Variants in ATP5F1A observed in about 807,000 individuals in gnomAD.
ATP5F1A encodes ATP synthase F1 subunit alpha.
A neutral mutation model predicts 57.4 loss-of-function variants in ATP5F1A; 24 were observed. The ratio of observed to expected loss-of-function variants is 0.42; its 90% CI spans 0.30 to 0.59. The LOEUF (loss-of-function observed/expected upper bound fraction) is 0.59, where lower values mean the gene tolerates loss of function less well. Among genes scored for constraint, ATP5F1A ranks in the 20% least tolerant of loss-of-function variants. ATP5F1A has a pLI of 0.19. For synonymous variants in ATP5F1A, 251 were observed against 255.5 expected (o/e 0.98, Z 0.17); for missense variants, 494 against 707.9 (o/e 0.70, Z 3.43).
intron 1 of ATP5F1A, among the ~76,000 whole-genome samples, chr18:46,103,610 C>CAAAAA (rs71160711): frequency 8.7e-5 from 3 of 34,504 alleles, no homozygotes; most frequent in Non-Finnish European, 1.5e-4. Context: ...GACTCCATCT[C>CAAAAA]AAAAAAAAAA....
In ATP5F1A at chr18:46,084,352, T is replaced by C. The variant is rs777912298; in HGVS notation, c.1592A>G (p.Lys531Arg). The C allele has an allele frequency of 1.9e-6, 3 of 1,613,156 alleles. No homozygotes were observed. The highest frequency in any genetic ancestry group is 2.2e-5 in the South Asian group (2 of 90,748). The change falls in exon 12 of 12, where the codon AAG (lysine) becomes AGG (arginine). Residue 531 changes from lysine to arginine, a missense_variant. Physicochemically the swap from Lys to Arg is conservative, Grantham distance 26. Transcript: ENST00000398752. ...ALLGTIRADG[K>R]ISEQSDAKLK... Reference sequence around the variant, plus strand: ...CTTTGCATCTGATTGTTCTGAGATCTTTCCATCAGCCCTATTTGGAAATAA... The same window carrying C: ...CTTTGCATCTGATTGTTCTGAGATCCTTCCATCAGCCCTATTTGGAAATAA...
At chr18:46,103,237 G>A (rs1426998535), upstream of ATP5F1A, among the ~76,000 whole-genome samples, 2 of 150,714 alleles carry the variant, frequency 1.3e-5, no homozygotes, top group Admixed American at 6.7e-5. Context: ...TGGGGACGGG[G>A]GTTGGAGGTC....
At chr18:46,088,952 A>G (rs557108920) in intron 5 of ATP5F1A, among the ~76,000 whole-genome samples, 87 of 152,126 alleles carry the variant, frequency 5.7e-4, no homozygotes, top group Non-Finnish European at 1.1e-3. Flanking sequence ...ATGTTTGTGT[A>G]AAGTCAAACA....
intron 8 of ATP5F1A, chr18:46,086,803 A>G (rs1910131726): frequency 3.1e-6 from 2 of 638,550 alleles, no homozygotes; most frequent in Non-Finnish European, 5.4e-6. Context: ...AACTAGAACG[A>G]AACATGCTAC....
Position 46,087,454 on chromosome 18 carries a change from A to G in ATP5F1A, c.838T>C (p.Ser280Pro). The G allele has an allele frequency of 6.2e-7, 1 of 1,614,242 alleles. No individual in the cohort carries two copies. Among genetic ancestry groups the G allele is most frequent in the Non-Finnish European group, 8.5e-7 (1 of 1,180,048 alleles). Reference protein sequence around the residue: ...KYTIVVSATASDAAPLQYLAP... With the variant: ...KYTIVVSATAPDAAPLQYLAP... Reference sequence around the variant, plus strand: ...AGGTACTGAAGTGGGGCAGCATCCGAGGCCGTAGCCGACACCACAATGGTG... The same window carrying G: ...AGGTACTGAAGTGGGGCAGCATCCGGGGCCGTAGCCGACACCACAATGGTG... Residue 280 changes from serine to proline, a missense_variant, in exon 7 of 12, where the codon TCG becomes CCG. Physicochemically the swap from Ser to Pro is moderately conservative, Grantham distance 74. Coordinates refer to ENST00000398752, the MANE Select transcript of ATP5F1A (RefSeq NM_004046.6).
chr18:46,098,085 C>A (rs1239664374), intron 1 of ATP5F1A, 87 bp downstream of exon 1: 1 of 1,481,776 alleles, frequency 6.7e-7, no homozygotes, highest in South Asian at 1.3e-5. Context: ...CAGCCCCTCG[C>A]CCTCCTGCAG....
chr18:46,098,764 C>G (rs924464180), upstream of ATP5F1A, among the ~76,000 whole-genome samples: 12 of 152,210 alleles, frequency 7.9e-5, no homozygotes, highest in African/African-American at 2.9e-4. Flanking sequence ...CGTTAATCTG[C>G]AGATCTTAGC....
In ATP5F1A at chr18:46,091,729, T is replaced by C; in HGVS notation, c.262A>G (p.Arg88Gly). The change falls in exon 3 of 12, where the codon AGG becomes GGG. Residue 88 changes from arginine to glycine, a missense_variant. This residue lies in a region of ATP5F1A where 142 missense variants were observed against 137.5 expected (regional missense o/e 1.03). Transcript: ENST00000398752. The part of the protein sequence containing the change: ...GDGIARVHGL[R>G]NVQAEEMVEF... ...ACCATTTCTTCTGCTTGAACATTCC[T>C]CAGCCCATGTACGCGGGCAATACCA... 1.7e-5 allele frequency: 27 copies of C among 1,613,460 alleles called. No homozygotes were observed. Among genetic ancestry groups the C allele is most frequent in the Non-Finnish European group, 2.3e-5 (27 of 1,179,840 alleles).
At chr18:46,095,762 G>A (rs566135432) in intron 1 of ATP5F1A, among the ~76,000 whole-genome samples, 1 of 152,076 alleles carries the variant, frequency 6.6e-6, no homozygotes, top group East Asian at 1.9e-4. Context: ...GATCACAGGA[G>A]TGCGCCACCT....
chr18:46,088,983 A>G (rs1241920896), intron 5 of ATP5F1A, among the ~76,000 whole-genome samples: 1 of 151,982 alleles, frequency 6.6e-6, no homozygotes, highest in Non-Finnish European at 1.5e-5. Context: ...CTACATGCAC[A>G]TCAAGGCACA....
chr18:46,085,956 T>G, intron 10 of ATP5F1A, 157 bp downstream of exon 10: 1 of 830,616 alleles, frequency 1.2e-6, no homozygotes, highest in Non-Finnish European at 1.7e-6. Flanking sequence ...AAATCAAAAA[T>G]CAAAAAACAA....
chr18:46,098,105 G>T (rs762145241), intron 1 of ATP5F1A, 67 bp downstream of exon 1: 43 of 1,532,992 alleles, frequency 2.8e-5, no homozygotes, highest in Middle Eastern at 4.2e-4. Flanking sequence ...GAGAGCGCCC[G>T]AGCCGGCGCA....
rs990450264 is a variant in ATP5F1A, at chr18:46,083,510, C to T, written c.*772G>A. The stretch of plus-strand genomic sequence containing the variant: ...CATTCTATCTTCTCAGCTTTTGTTC[C>T]AGCAATTTTTTCATTTCCCTGAGAA... On this transcript the variant is annotated 3_prime_UTR_variant, in exon 12 of 12. Transcript: ENST00000398752. 1 of 152,136 alleles carries T rather than the reference C, an allele frequency of 6.6e-6. No homozygotes were observed. The highest frequency in any genetic ancestry group is 1.5e-5 in the Non-Finnish European group (1 of 68,034). The allele number at this position is 152,136 out of a possible 1,614,324, so 9.4% of individuals were successfully genotyped here.
chr18:46,099,323 T>TC (rs943788165), upstream of ATP5F1A: 1 of 152,226 alleles, frequency 6.6e-6, no homozygotes, highest in Non-Finnish European at 1.5e-5. Context: ...TTTTTTTTTT[T>TC]CTCCACAGAA....
Position 46,080,481 on chromosome 18 carries a change from C to CT in ATP5F1A, c.*3800dup. 1 of 152,266 alleles carries CT rather than the reference C, an allele frequency of 6.6e-6. No homozygotes were observed. Among genetic ancestry groups the CT allele is most frequent in the African/African-American group, 2.4e-5 (1 of 41,552 alleles). 9.4% of individuals were successfully genotyped at this position (152,266 alleles called of 1,614,324 possible). Reference sequence around the variant, plus strand: ...CTATGAGGTCTCCTATGTCATTAGTCTGTAAGTACTTAGTAAAAAGCAGTA... The same window carrying CT: ...CTATGAGGTCTCCTATGTCATTAGTCTTGTAAGTACTTAGTAAAAAGCAGTA... On this transcript the variant is annotated 3_prime_UTR_variant, in exon 12 of 12. Transcript: ENST00000398752.
rs1428613340 is a variant in ATP5F1A at position 46,082,503 on chromosome 18, G to C, written c.*1779C>G. The C allele has an allele frequency of 6.6e-6, 1 of 151,412 alleles. No individual in the cohort carries two copies. The highest frequency in any genetic ancestry group is 1.5e-5 in the Non-Finnish European group (1 of 67,974). 9.4% of individuals were successfully genotyped at this position (151,412 alleles called of 1,614,324 possible). A position where few individuals can be genotyped will look rare whatever the true frequency, so the allele number is the denominator to read the frequency against. Reference sequence around the variant, plus strand: ...GTTCGAGACCAGCCTGGCCAATATGGTGAAACCCCGCCTCTACTAAAAATA... The same window carrying C: ...GTTCGAGACCAGCCTGGCCAATATGCTGAAACCCCGCCTCTACTAAAAATA... On this transcript the variant is annotated 3_prime_UTR_variant, in exon 12 of 12. Coordinates refer to ENST00000398752, the MANE Select transcript of ATP5F1A (RefSeq NM_004046.6).
At chr18:46,086,628 C>A (rs74904652) in intron 8 of ATP5F1A, 134 bp from the exon 9 acceptor site, 7 of 772,296 alleles carry the variant, frequency 9.1e-6, no homozygotes, top group Admixed American at 8.4e-5. Context: ...AAATCTTTCA[C>A]GACCTGACCT....
rs376498654 is a variant in ATP5F1A at position 46,084,361 on chromosome 18, G to A, written c.1583C>T (p.Ala528Val). ...TGATTGTTCTGAGATCTTTCCATCA[G>A]CCCTATTTGGAAATAAAAGCAGGTC... is the stretch of plus-strand genomic sequence containing the variant. The part of the protein sequence containing the change: ...QHQALLGTIR[A>V]DGKISEQSDA... Residue 528 changes from alanine to valine, a missense_variant and splice_region_variant, in exon 12 of 12, where the codon GCT becomes GTT. Physicochemically the swap from Ala to Val is moderately conservative, Grantham distance 64. Around this residue, in one of 6 missense-constraint regions of ATP5F1A, gnomAD observed 127 missense variants for 195.2 expected, o/e 0.65. Coordinates refer to ENST00000398752, the MANE Select transcript of ATP5F1A (RefSeq NM_004046.6). 4.3e-6 allele frequency: 7 copies of A among 1,611,488 alleles called. No homozygotes were observed. The highest frequency in any genetic ancestry group is 5.1e-6 in the Non-Finnish European group (6 of 1,179,394).
At chr18:46,092,633 A>ATAT (rs1195134219) in intron 2 of ATP5F1A, among the ~76,000 whole-genome samples, 1 of 147,814 alleles carries the variant, frequency 6.8e-6, no homozygotes, top group Non-Finnish European at 1.5e-5. Context: ...ATATATATAT[A>ATAT]TATTCTACAC....
Sources: allele counts gnomAD v4.1 joint callset (sites outside exome capture counted in the v4.1 genomes callset), GRCh38; gene constraint gnomAD v4.1.1; regional missense constraint gnomAD v4.1.1; transcripts MANE v1.5; gene names NCBI Gene and HGNC (gene_info 2026-07-23, HGNC 2026-07-21).